CFAP20DC: variants seen among roughly 807,000 people sequenced by gnomAD.
CFAP20DC encodes CFAP20 domain containing.
In CFAP20DC, 84 loss-of-function variants were observed where a neutral mutation model predicts 101.7. The ratio of observed to expected loss-of-function variants is 0.83; its 90% CI spans 0.69 to 0.99. The LOEUF (loss-of-function observed/expected upper bound fraction) is 0.99. CFAP20DC is among the 50% of genes least tolerant of loss of function. The pLI, the probability that CFAP20DC is intolerant of heterozygous loss-of-function variation, is 0.00. For missense variants in CFAP20DC, 1,007 were observed against 970.3 expected (o/e 1.04, Z -0.50); for synonymous variants, 359 against 351.2 (o/e 1.02, Z -0.25).
intron 3 of CFAP20DC, 86 bp downstream of exon 3, chr3:59,046,143 G>A: frequency 6.7e-6 from 6 of 890,418 alleles, no homozygotes; most frequent in Non-Finnish European, 8.6e-6. Context: ...GTCAGTAGAA[G>A]TCATACTAAT....
At chr3:58,959,793 A>C (rs1399392531) in intron 4 of CFAP20DC, among the ~76,000 whole-genome samples, 1 of 152,208 alleles carries the variant, frequency 6.6e-6, no homozygotes, top group Non-Finnish European at 1.5e-5. Context: ...CAAAAACAAC[A>C]AGTGCTCACT....
Position 59,042,595 on chromosome 3 carries a change from C to T in CFAP20DC, c.206-2966G>A, listed in dbSNP as rs993618171. Among the ~76,000 whole-genome samples, 7 of 151,808 alleles carry T rather than the reference C, an allele frequency of 4.6e-5. No homozygotes were observed. The South Asian group carries it at 1.0e-3, about 23-fold the overall frequency. On this transcript the variant is annotated intron_variant, in intron 3 of 16. Coordinates refer to ENST00000482387, the MANE Select transcript of CFAP20DC (RefSeq NM_001394063.1). ...AATAGGTCAGAACTAAGAAGGGCACCAGATACTGCAGAGTCCTGTAGGTTT... is the reference window on the plus strand; with the variant it reads ...AATAGGTCAGAACTAAGAAGGGCACTAGATACTGCAGAGTCCTGTAGGTTT...
At chr3:58,736,792 A>C (rs1328178674) in intron 3 of CFAP20DC, among the ~76,000 whole-genome samples, 2 of 152,228 alleles carry the variant, frequency 1.3e-5, no homozygotes, top group Non-Finnish European at 1.5e-5. Context: ...ACTATTTCCT[A>C]CACATCACTT....
At chr3:58,961,485 C>T (rs1233501345) in intron 4 of CFAP20DC, among the ~76,000 whole-genome samples, 2 of 152,078 alleles carry the variant, frequency 1.3e-5, no homozygotes, top group African/African-American at 4.8e-5. Flanking sequence ...ACCCAGGAGG[C>T]AGAGGTTGCA....
chr3:58,766,100 A>C (rs970859817), intron 15 of CFAP20DC, among the ~76,000 whole-genome samples: 1 of 152,236 alleles, frequency 6.6e-6, no homozygotes, highest in Non-Finnish European at 1.5e-5. Context: ...CATGCTTTGC[A>C]AAGTTTTTCT....
Position 58,814,433 on chromosome 3 carries a change from T to G in CFAP20DC, c.2176-7977A>C, listed in dbSNP as rs933348619. 7.3e-5 allele frequency among the ~76,000 whole-genome samples: 11 copies of G among 151,416 alleles called. 1 individual carries two copies. The highest frequency in any genetic ancestry group is 2.7e-4 in the African/African-American group (11 of 40,908). On this transcript the variant is annotated intron_variant, in intron 14 of 16. Transcript: ENST00000482387. ...TGGGCAAAAACTGGAAGCATTCCCTTTGAAAACTGGCACAAGACAGGGATG... is the reference window on the plus strand; with the variant it reads ...TGGGCAAAAACTGGAAGCATTCCCTGTGAAAACTGGCACAAGACAGGGATG...
At chr3:58,771,427 C>T (rs2107498489) in intron 15 of CFAP20DC, among the ~76,000 whole-genome samples, 1 of 151,772 alleles carries the variant, frequency 6.6e-6, no homozygotes, top group Middle Eastern at 3.4e-3. Context: ...AAGCAAAAAA[C>T]AAAAACAAAC....
In CFAP20DC at chr3:58,729,783, C is replaced by T. The variant is rs1337797210; in HGVS notation, c.198-12155G>A. On this transcript the variant is annotated intron_variant, in intron 3 of 3. Coordinates refer to the CFAP20DC transcript ENST00000486145. This position sits in a 1 kb window ranked among gnomAD's most constrained non-coding sequence, Gnocchi z 4.4. ...CTGTAATTCCTAGCACTTTGGGAGGCCGAGGAGGGTGAATTGCCTGAGGTC... is the reference window on the plus strand; with the variant it reads ...CTGTAATTCCTAGCACTTTGGGAGGTCGAGGAGGGTGAATTGCCTGAGGTC... Among the ~76,000 whole-genome samples the T allele has an allele frequency of 3.3e-5, 5 of 152,066 alleles. No individual in the cohort carries two copies. The highest frequency in any genetic ancestry group is 5.9e-5 in the Non-Finnish European group (4 of 68,010).
intron 15 of CFAP20DC, among the ~76,000 whole-genome samples, chr3:58,784,694 T>C (rs1480042272): frequency 1.3e-5 from 2 of 152,136 alleles, no homozygotes; most frequent in African/African-American, 4.8e-5. Context: ...GTAATGAGAC[T>C]GCTGGGTCAA....
Position 58,843,873 on chromosome 3 carries a change from A to G in CFAP20DC, c.1971+5159T>C, listed in dbSNP as rs1290280814. Among the ~76,000 whole-genome samples the G allele has an allele frequency of 3.3e-4, 41 of 125,534 alleles. No individual in the cohort carries two copies. In the East Asian group the frequency reaches 8.5e-3, roughly 26 times the overall value. 82.4% of individuals were successfully genotyped at this position (125,534 alleles called of 152,430 possible). A position where few individuals can be genotyped will look rare whatever the true frequency, so the allele number is the denominator to read the frequency against. On this transcript the variant is annotated intron_variant, in intron 13 of 16. Coordinates refer to ENST00000482387, the MANE Select transcript of CFAP20DC (RefSeq NM_001394063.1). The stretch of plus-strand genomic sequence containing the variant: ...GGGCCAATATTCAACATTCTTAAAG[A>G]AAAGAATTTTCAACCCAGAATTTCA...
chr3:58,818,252 C>T (rs544123550), intron 14 of CFAP20DC, among the ~76,000 whole-genome samples: 2 of 151,384 alleles, frequency 1.3e-5, no homozygotes, highest in East Asian at 3.9e-4. Context: ...AAATCACCAG[C>T]TAACATCATA....
intron 11 of CFAP20DC, among the ~76,000 whole-genome samples, chr3:58,866,120 T>C (rs930826760): frequency 6.6e-6 from 1 of 152,228 alleles, no homozygotes; most frequent in Admixed American, 6.5e-5. Context: ...TAAATAAGAT[T>C]GACAAACCAC....
chr3:58,886,835 T>A (rs1353139167), intron 6 of CFAP20DC, among the ~76,000 whole-genome samples: 1 of 152,214 alleles, frequency 6.6e-6, no homozygotes, highest in East Asian at 1.9e-4. Flanking sequence ...TTCTTCACAA[T>A]AATTTCTATA....
At position 58,928,538 on chromosome 3, in the gene CFAP20DC, A is replaced by G. The variant is rs1196991895; in HGVS notation, c.393+9110T>C. On this transcript the variant is annotated intron_variant, in intron 5 of 16. Transcript: ENST00000482387. The stretch of plus-strand genomic sequence containing the variant: ...TGATACAGGAACTTTGCACAGGCTC[A>G]CAAAACTAGTAAGTATCAGAATCCA... Among the ~76,000 whole-genome samples, 3 of 152,220 alleles carry G rather than the reference A, an allele frequency of 2.0e-5. No homozygotes were observed. The East Asian group carries it at 5.8e-4, about 29-fold the overall frequency.
At chr3:58,965,189 G>A (rs575298110) in intron 4 of CFAP20DC, among the ~76,000 whole-genome samples, 1 of 152,102 alleles carries the variant, frequency 6.6e-6, no homozygotes, top group Non-Finnish European at 1.5e-5. Flanking sequence ...AGACACCAAG[G>A]CTCGAAGGTG....
chr3:58,944,696 G>C (rs1177797715), intron 4 of CFAP20DC, among the ~76,000 whole-genome samples: 1 of 148,452 alleles, frequency 6.7e-6, no homozygotes, highest in Non-Finnish European at 1.5e-5. Flanking sequence ...TTGTTTCTCT[G>C]CTGAAAACCA....
intron 14 of CFAP20DC, among the ~76,000 whole-genome samples, chr3:58,814,418 C>G (rs1454231437): frequency 6.6e-6 from 1 of 151,406 alleles, no homozygotes; most frequent in Non-Finnish European, 1.5e-5. Flanking sequence ...TGGGCAAAAA[C>G]TGGAAGCATT....
Position 59,001,509 on chromosome 3 carries a change from T to G in CFAP20DC, c.278+38048A>C, listed in dbSNP as rs560712220. On this transcript the variant is annotated intron_variant, in intron 4 of 16. Coordinates refer to ENST00000482387, the MANE Select transcript of CFAP20DC (RefSeq NM_001394063.1). The surrounding 1 kb of genome is among the most constrained non-coding windows in gnomAD (Gnocchi z 4.5). ...TCACCCCAACCTCCGCCTCCCAGGT[T>G]CAAGTGATTCTCCTGCCTCAGCCTC... 7.2e-5 allele frequency among the ~76,000 whole-genome samples: 11 copies of G among 152,274 alleles called. No homozygotes were observed. In the East Asian group the frequency reaches 7.7e-4, roughly 11 times the overall value.
chr3:58,934,324 G>C (rs1033181231), intron 5 of CFAP20DC, among the ~76,000 whole-genome samples: 1 of 152,146 alleles, frequency 6.6e-6, no homozygotes, highest in Non-Finnish European at 1.5e-5. Context: ...TGGACTCACA[G>C]CCGAATTCTA....
Sources: allele counts gnomAD v4.1 joint callset (sites outside exome capture counted in the v4.1 genomes callset), GRCh38; gene constraint gnomAD v4.1.1; non-coding constraint Gnocchi (gnomAD v3.1); transcripts MANE v1.5; gene names NCBI Gene and HGNC (gene_info 2026-07-23, HGNC 2026-07-21).